Variants in SYNPR observed in about 807,000 individuals in gnomAD.
The protein encoded by SYNPR is synaptoporin.
Under a neutral mutation model 32.9 loss-of-function variants are expected in SYNPR, and 23 were observed. The ratio of observed to expected loss-of-function variants is 0.70; its 90% CI spans 0.50 to 0.99. The LOEUF is 0.99. Ranked by LOEUF, SYNPR falls within the 50% of genes least tolerant of loss-of-function variation. The pLI is 0.00. For missense variants in SYNPR, 318 were observed against 349.3 expected (o/e 0.91, Z 0.71); for synonymous variants, 146 against 135.9 (o/e 1.07, Z -0.52).
At chr3:63,257,638 G>T (rs1342693636) in intron 2 of SYNPR, among the ~76,000 whole-genome samples, 1 of 151,994 alleles carries the variant, frequency 6.6e-6, no homozygotes, top group African/African-American at 2.4e-5. Flanking sequence ...AGACCATTGA[G>T]GCTAGGAAGA....
chr3:63,392,735 G>A (rs2088155941), intron 2 of SYNPR, among the ~76,000 whole-genome samples: 1 of 152,104 alleles, frequency 6.6e-6, no homozygotes. Context: ...TTTCTTACCG[G>A]ATAATGCTAT....
chr3:63,542,152 G>T (rs1702316142), intron 3 of SYNPR, among the ~76,000 whole-genome samples: 3 of 152,104 alleles, frequency 2.0e-5, no homozygotes, highest in Non-Finnish European at 4.4e-5. Context: ...TAAGAAACTA[G>T]AATCTCGTTC....
intron 4 of SYNPR, among the ~76,000 whole-genome samples, chr3:63,563,974 GAAAAAAA>G (rs56364011): frequency 4.8e-5 from 7 of 145,996 alleles, no homozygotes; most frequent in African/African-American, 1.5e-4. Context: ...CTCAAATATG[GAAAAAAA>G]AAAAAAAAAG....
intron 3 of SYNPR, among the ~76,000 whole-genome samples, chr3:63,543,825 C>T (rs1188209995): frequency 6.6e-6 from 1 of 152,074 alleles, no homozygotes; most frequent in Admixed American, 6.6e-5. Context: ...TGACTAATTG[C>T]TTTTCACTCT....
intron 2 of SYNPR, among the ~76,000 whole-genome samples, chr3:63,320,592 G>A (rs2087101454): frequency 6.6e-6 from 1 of 152,032 alleles, no homozygotes; most frequent in Admixed American, 6.6e-5. Flanking sequence ...TATGTCCACA[G>A]AAATTAGAAA....
At chr3:63,352,561 GA>G (rs2087523827) in intron 2 of SYNPR, among the ~76,000 whole-genome samples, 1 of 152,086 alleles carries the variant, frequency 6.6e-6, no homozygotes. Flanking sequence ...GAAGCAAATA[GA>G]AAAAAGGGGA....
Position 63,579,788 on chromosome 3 carries a change from A to AACACAC in SYNPR, c.408+23078_408+23083dup, listed in dbSNP as rs59802344. On this transcript the variant is annotated intron_variant, in intron 4 of 5. Coordinates refer to ENST00000478300, the MANE Select transcript of SYNPR (RefSeq NM_001130003.2). ...AGGTTGGTTCCTCATATTTAACTAA[A>AACACAC]ACACACACACACACACACACACACA... is the stretch of plus-strand genomic sequence containing the variant. Among the ~76,000 whole-genome samples the AACACAC allele has an allele frequency of 3.8e-3, 549 of 146,180 alleles. 2 individuals carry two copies. The highest frequency in any genetic ancestry group is 0.011 in the African/African-American group (449 of 39,924).
At chr3:63,547,634 C>A (rs1702431689) in intron 3 of SYNPR, among the ~76,000 whole-genome samples, 1 of 152,082 alleles carries the variant, frequency 6.6e-6, no homozygotes, top group Non-Finnish European at 1.5e-5. Context: ...GGAGAAAGGA[C>A]TGAAAGTAAC....
chr3:63,278,388 G>T lies in SYNPR; in HGVS notation c.-146G>T, dbSNP rs1575583794. 9 of 1,075,704 alleles carry T rather than the reference G, an allele frequency of 8.4e-6. No homozygotes were observed. The highest frequency in any genetic ancestry group is 1.2e-5 in the Non-Finnish European group (9 of 764,954). 66.6% of individuals were successfully genotyped at this position (1,075,704 alleles called of 1,614,324 possible). Reference sequence around the variant, plus strand: ...CCCAGCGTTAGCGGGTGGGCTCCCCGAGGCCCCCTGCCCTCGCCGGGCTGC... The same window carrying T: ...CCCAGCGTTAGCGGGTGGGCTCCCCTAGGCCCCCTGCCCTCGCCGGGCTGC... On this transcript the variant is annotated 5_prime_UTR_variant, in exon 1 of 6. Coordinates refer to ENST00000478300, the MANE Select transcript of SYNPR (RefSeq NM_001130003.2).
At chr3:63,453,674 C>G (rs1700424995) in intron 2 of SYNPR, among the ~76,000 whole-genome samples, 1 of 152,080 alleles carries the variant, frequency 6.6e-6, no homozygotes, top group Admixed American at 6.6e-5. Flanking sequence ...TGGATCCACC[C>G]AAACTTGAAG....
At chr3:63,249,135 C>T (rs1176072008) in intron 1 of SYNPR, among the ~76,000 whole-genome samples, 1 of 152,060 alleles carries the variant, frequency 6.6e-6, no homozygotes, top group African/African-American at 2.4e-5. Context: ...TTTTGCACAT[C>T]AGTAAGGAGT....
At chr3:63,470,951 C>T (rs1575661430) in intron 2 of SYNPR, among the ~76,000 whole-genome samples, 1 of 152,140 alleles carries the variant, frequency 6.6e-6, no homozygotes, top group Non-Finnish European at 1.5e-5. Context: ...TTATCTACAG[C>T]CAAATATTCT....
upstream of SYNPR, among the ~76,000 whole-genome samples, chr3:63,223,399 T>G (rs1250611183): frequency 2.0e-5 from 3 of 146,992 alleles, no homozygotes; most frequent in African/African-American, 7.4e-5. Flanking sequence ...GGTAAGATTT[T>G]GGTTGCTTAG....
intron 2 of SYNPR, among the ~76,000 whole-genome samples, chr3:63,362,608 C>T (rs752431544): frequency 2.6e-5 from 4 of 152,108 alleles, no homozygotes; most frequent in South Asian, 2.1e-4. Flanking sequence ...TGGACTAACA[C>T]TGAATAATTA....
chr3:63,522,249 G>A (rs935697407), intron 3 of SYNPR, among the ~76,000 whole-genome samples: 31 of 152,116 alleles, frequency 2.0e-4, no homozygotes, highest in African/African-American at 7.2e-4. Flanking sequence ...ATCCTCTATC[G>A]TTCCAGTTTT....
intron 3 of SYNPR, among the ~76,000 whole-genome samples, chr3:63,522,417 T>A (rs1336835428): frequency 6.6e-6 from 1 of 152,232 alleles, no homozygotes; most frequent in African/African-American, 2.4e-5. Flanking sequence ...CTTTTGGACC[T>A]CTTATATTTA....
At chr3:63,429,859 T>C (rs1464542311) in intron 2 of SYNPR, among the ~76,000 whole-genome samples, 2 of 152,220 alleles carry the variant, frequency 1.3e-5, no homozygotes, top group Admixed American at 6.5e-5. Context: ...GTGTGCCTTC[T>C]TCTGACAGTT....
chr3:63,406,426 T>C (rs974591832), intron 2 of SYNPR, among the ~76,000 whole-genome samples: 2 of 152,104 alleles, frequency 1.3e-5, no homozygotes, highest in African/African-American at 2.4e-5. Context: ...GGGAATGTAT[T>C]ATTTTTAATC....
chr3:63,443,541 C>T, intron 2 of SYNPR: 6 of 1,505,266 alleles, frequency 4.0e-6, no homozygotes, highest in Non-Finnish European at 5.5e-6. Flanking sequence ...TCTCCATAGG[C>T]ACATTTGGAT....
Sources: allele counts gnomAD v4.1 joint callset (sites outside exome capture counted in the v4.1 genomes callset), GRCh38; gene constraint gnomAD v4.1.1; transcripts MANE v1.5; gene names NCBI Gene and HGNC (gene_info 2026-07-23, HGNC 2026-07-21).